Variants in PRDM4 observed in about 807,000 individuals in gnomAD.
The protein encoded by PRDM4 is PR/SET domain 4, also known as PR domain zinc finger protein 4.
Under a neutral mutation model 62.3 loss-of-function variants are expected in PRDM4, and 38 were observed. The ratio of observed to expected loss-of-function variants is 0.61; its 90% CI spans 0.47 to 0.80. The LOEUF (loss-of-function observed/expected upper bound fraction) is 0.80. PRDM4 is among the 30% of genes least tolerant of loss of function. PRDM4 has a pLI of 0.00. For synonymous variants in PRDM4, 339 were observed against 348.2 expected (o/e 0.97, Z 0.30); for missense variants, 858 against 997.1 (o/e 0.86, Z 1.88).
intron 11 of PRDM4, among the ~76,000 whole-genome samples, chr12:107,735,436 C>T (rs1337160503): frequency 1.3e-5 from 2 of 152,248 alleles, no homozygotes; most frequent in Middle Eastern, 3.4e-3. Context: ...TTTGTATTCC[C>T]TGGATGCCAC....
At chr12:107,758,092 A>G (rs1188901308) in intron 2 of PRDM4, among the ~76,000 whole-genome samples, 1 of 152,146 alleles carries the variant, frequency 6.6e-6, no homozygotes, top group Non-Finnish European at 1.5e-5. Flanking sequence ...AGTGAAATCA[A>G]ATCTAAATAG....
intron 10 of PRDM4, among the ~76,000 whole-genome samples, chr12:107,740,246 G>T (rs983433554): frequency 6.6e-6 from 1 of 152,124 alleles, no homozygotes; most frequent in African/African-American, 2.4e-5. Flanking sequence ...TAGCATTTTG[G>T]GAGGCTGAGG....
rs776117303 is a variant in PRDM4, at chr12:107,734,281, C to T, written c.2335G>A (p.Val779Met). 1 of 1,614,216 alleles carries T rather than the reference C, an allele frequency of 6.2e-7. No homozygotes were observed. The highest frequency in any genetic ancestry group is 8.5e-7 in the Non-Finnish European group (1 of 1,180,024). Reference protein sequence around the residue: ...DSEEEDLADSVGTEDCRINSA... With the variant: ...DSEEEDLADSMGTEDCRINSA... ...TTAATCCTACAGTCTTCTGTCCCCA[C>T]AGAGTCTGCTAGATCTTCCTCTTCT... Residue 779 changes from valine (V) to methionine (M), a missense_variant, in exon 12 of 12, where the codon GTG becomes ATG. Around this residue, in one of 3 missense-constraint regions of PRDM4, gnomAD observed 355 missense variants for 432.6 expected, o/e 0.82. Transcript: ENST00000228437.
intron 9 of PRDM4, among the ~76,000 whole-genome samples, chr12:107,741,591 C>G (rs1275258170): frequency 6.6e-6 from 1 of 151,952 alleles, no homozygotes; most frequent in Non-Finnish European, 1.5e-5. Context: ...TGGTGATGTA[C>G]ACCCATAGTC....
At chr12:107,739,606 A>G (rs1890448338) in intron 10 of PRDM4, 55 bp from the exon 11 acceptor site, 1 of 1,547,516 alleles carries the variant, frequency 6.5e-7, no homozygotes, top group African/African-American at 1.4e-5. Flanking sequence ...GGCATCCCCA[A>G]GACACACAGG....
intron 11 of PRDM4, among the ~76,000 whole-genome samples, chr12:107,734,984 T>A (rs901213346): frequency 3.3e-5 from 5 of 152,162 alleles, no homozygotes; most frequent in South Asian, 2.1e-4. Context: ...TTAAATTTTT[T>A]TAAATTTTTA....
intron 5 of PRDM4, among the ~76,000 whole-genome samples, chr12:107,746,947 C>G (rs1360703497): frequency 6.6e-6 from 1 of 151,724 alleles, no homozygotes; most frequent in Admixed American, 6.6e-5. Flanking sequence ...TTCTTTTGAT[C>G]CAACAGGACA....
rs1890892707 is a variant in PRDM4 at position 107,751,496 on chromosome 12, T to C, written c.1045A>G (p.Ser349Gly). 11 of 1,613,978 alleles carry C rather than the reference T, an allele frequency of 6.8e-6. No homozygotes were observed. Among genetic ancestry groups the C allele is most frequent in the South Asian group, 1.1e-5 (1 of 91,082 alleles). The change falls in exon 5 of 12, where the codon AGT (serine) becomes GGT (glycine). Residue 349 changes from serine to glycine, a missense_variant. Ser to Gly is a moderately conservative substitution (Grantham distance 56). Transcript: ENST00000228437. ...GTGHVDVSSD[S>G]LSFVSPSLQM... ...AGTGAAGGTGATACAAAAGAAAGAC[T>C]GTCTGAAGATACATCTACATGACCT...
At chr12:107,738,212 G>A (rs1890397536) in intron 11 of PRDM4, 1 of 152,148 alleles carries the variant, frequency 6.6e-6, no homozygotes, top group African/African-American at 2.4e-5. Context: ...AGGATGTTAA[G>A]ACTAGATGAT....
rs1362042939 is a variant in PRDM4 at position 107,760,494 on chromosome 12, T to A, written c.11+11A>T. 1 of 1,613,332 alleles carries A rather than the reference T, an allele frequency of 6.2e-7. No individual in the cohort carries two copies. Among genetic ancestry groups the A allele is most frequent in the Non-Finnish European group, 8.5e-7 (1 of 1,179,726 alleles). On this transcript the variant is annotated intron_variant, in intron 2 of 11. Transcript: ENST00000228437. ...GATGTCACCAGTGCTGAAGCCCACC[T>A]CCCTACTCACCTGTGATGCATCGGC...
intron 11 of PRDM4, 42 bp downstream of exon 11, chr12:107,739,341 T>C: frequency 6.3e-7 from 1 of 1,594,342 alleles, no homozygotes; most frequent in Non-Finnish European, 8.5e-7. Context: ...ACACAAAGGC[T>C]CACCACCTGA....
intron 11 of PRDM4, 61 bp from the exon 12 acceptor site, chr12:107,734,583 C>CTT: frequency 6.7e-7 from 1 of 1,489,948 alleles, no homozygotes; most frequent in Admixed American, 1.9e-5. Context: ...TGAGGCAACA[C>CTT]TTATTCTTCA....
intron 5 of PRDM4, among the ~76,000 whole-genome samples, chr12:107,749,307 CTCA>C (rs1434881034): frequency 3.3e-5 from 5 of 152,028 alleles, no homozygotes; most frequent in Non-Finnish European, 5.9e-5. Context: ...TAAAACTTGA[CTCA>C]TCGTCACTCC....
chr12:107,740,895 C>A (rs1219028312), intron 10 of PRDM4, 51 bp downstream of exon 10: 2 of 1,550,090 alleles, frequency 1.3e-6, no homozygotes, highest in Admixed American at 1.8e-5. Context: ...TTTACTACCG[C>A]ATTTTCTAAT....
rs888351813 is a variant in PRDM4 at position 107,760,781 on chromosome 12, T to G, written c.-256-10A>C. ...AAGGGGGCTGCCCAACCTGGGGGAG[T>G]GGGGACAAGAGCGGTCACCAAAACC... is the stretch of plus-strand genomic sequence containing the variant. On this transcript the variant is annotated splice_polypyrimidine_tract_variant and intron_variant, in intron 1 of 11. Coordinates refer to ENST00000228437, the MANE Select transcript of PRDM4 (RefSeq NM_012406.4). 2 of 491,130 alleles carry G rather than the reference T, an allele frequency of 4.1e-6. No homozygotes were observed. The highest frequency in any genetic ancestry group is 7.3e-6 in the Non-Finnish European group (2 of 273,356). 30.4% of individuals were successfully genotyped at this position (491,130 alleles called of 1,614,324 possible). A position where few individuals can be genotyped will look rare whatever the true frequency, so the allele number is the denominator to read the frequency against.
Position 107,751,991 on chromosome 12 carries a change from G to T in PRDM4, c.550C>A (p.His184Asn). The change falls in exon 5 of 12, where the codon CAT becomes AAT. Residue 184 changes from histidine (H) to asparagine (N), a missense_variant. Transcript: ENST00000228437. ...GAQSLHPSDG[H>N]EVALDTAITM... ...ATTGCTGTGTCCAAGGCCACCTCATGGCCATCACTGGGATGAAGACTTTGG... is the reference window on the plus strand; with the variant it reads ...ATTGCTGTGTCCAAGGCCACCTCATTGCCATCACTGGGATGAAGACTTTGG... 6.2e-7 allele frequency: 1 copy of T among 1,614,218 alleles called. No homozygotes were observed. Among genetic ancestry groups the T allele is most frequent in the Non-Finnish European group, 8.5e-7 (1 of 1,180,034 alleles).
At chr12:107,760,306 G>C (rs995797691) in intron 2 of PRDM4, among the ~76,000 whole-genome samples, 199 bp downstream of exon 2, 1 of 152,222 alleles carries the variant, frequency 6.6e-6, no homozygotes, top group Non-Finnish European at 1.5e-5. Flanking sequence ...TGGCTACTGG[G>C]AACAACTTTC....
rs1387898335 is a variant in PRDM4, at chr12:107,761,096, G to C, written c.-396C>G. 6.6e-6 allele frequency: 1 copy of C among 151,494 alleles called. No individual in the cohort carries two copies. The highest frequency in any genetic ancestry group is 2.4e-5 in the African/African-American group (1 of 41,338). 9.4% of individuals were successfully genotyped at this position (151,494 alleles called of 1,614,324 possible). ...GCCCTAACGTTTCCCGTCCCGCCCGGCCCTTCCCGGCCCGCGGCCTCCTCT... is the reference window on the plus strand; with the variant it reads ...GCCCTAACGTTTCCCGTCCCGCCCGCCCCTTCCCGGCCCGCGGCCTCCTCT... On this transcript the variant is annotated 5_prime_UTR_variant, in exon 1 of 12. Transcript: ENST00000228437.
At chr12:107,758,553 C>A (rs1274037651) in intron 2 of PRDM4, among the ~76,000 whole-genome samples, 3 of 152,104 alleles carry the variant, frequency 2.0e-5, no homozygotes, top group Non-Finnish European at 4.4e-5. Flanking sequence ...ATCACATAAC[C>A]AGTAAGGAGA....
Sources: gnomAD v4.1 joint callset for allele counts (sites outside exome capture counted in the v4.1 genomes callset) on GRCh38, gnomAD v4.1.1 for gene constraint, gnomAD v4.1.1 regional missense constraint, MANE v1.5 for transcripts, NCBI Gene and HGNC (gene_info 2026-07-23, HGNC 2026-07-21) for gene names.